Variants in RGS3 observed in about 807,000 individuals in gnomAD.
RGS3 encodes regulator of G-protein signalling 3.
A neutral mutation model predicts 132.6 loss-of-function variants in RGS3; 80 were observed. The observed-to-expected ratio is 0.60, with a 90% CI of 0.50 to 0.73. The LOEUF is 0.73. RGS3 is among the 30% of genes least tolerant of loss of function. RGS3 has a pLI of 0.00. For missense variants in RGS3, 1,382 were observed against 1,530.8 expected (o/e 0.90, Z 1.62); for synonymous variants, 598 against 620.6 (o/e 0.96, Z 0.54).
At chr9:113,466,197 A>G (rs980021368) in intron 3 of RGS3, among the ~76,000 whole-genome samples, 1 of 152,238 alleles carries the variant, frequency 6.6e-6, no homozygotes, top group Non-Finnish European at 1.5e-5. Context: ...TTTGGTAGCA[A>G]TTGGGACCAC....
intron 10 of RGS3, among the ~76,000 whole-genome samples, chr9:113,504,363 T>C (rs1043616029): frequency 6.6e-6 from 1 of 152,180 alleles, no homozygotes; most frequent in Admixed American, 6.5e-5. Flanking sequence ...TCGGGACCCC[T>C]TGAATCCCTT....
At chr9:113,584,419 C>T (rs776056029) in exon 20 of RGS3, 1 of 1,510,380 alleles carries the variant, frequency 6.6e-7, no homozygotes, top group South Asian at 1.3e-5. Context: ...CTTCACAGGA[C>T]ACAGGAAGGT....
At chr9:113,517,653 G>A (rs1831746779) in intron 16 of RGS3, 29 bp downstream of exon 14, 1 of 1,579,936 alleles carries the variant, frequency 6.3e-7, no homozygotes, top group Non-Finnish European at 8.7e-7. Flanking sequence ...TTTTTTAGGG[G>A]GCTTTCTGGG....
chr9:113,586,650 C>T (rs1240470028), intron 20 of RGS3, among the ~76,000 whole-genome samples: 2 of 152,238 alleles, frequency 1.3e-5, no homozygotes, highest in Non-Finnish European at 2.9e-5. Flanking sequence ...ACACCAGTTC[C>T]TGAGCCCTTT....
At chr9:113,488,973 A>G (rs982303907) in intron 7 of RGS3, among the ~76,000 whole-genome samples, 3 of 152,250 alleles carry the variant, frequency 2.0e-5, no homozygotes, top group Non-Finnish European at 4.4e-5. Context: ...TGGACATTCA[A>G]CTTATCAACA....
At chr9:113,594,500 G>T in exon 22 of RGS3, 1 of 1,613,716 alleles carries the variant, frequency 6.2e-7, no homozygotes, top group Non-Finnish European at 8.5e-7. Context: ...CCCTCCCGCG[G>T]GCAAGGCAGA....
chr9:113,447,335 A>ATGTG (rs199869637), intron 1 of RGS3, among the ~76,000 whole-genome samples: 9 of 73,966 alleles, frequency 1.2e-4, no homozygotes, highest in Non-Finnish European at 1.4e-4. Context: ...ATATGTATAT[A>ATGTG]TATATATATA....
rs1464794916 is a variant in RGS3, at chr9:113,537,000, T to A, written c.2037+82T>A. ...AGACCCTTGAGCCTCTGCATTGAGCTGGGGGCCAGCCTGAGCTTCCAACTT... is the reference window on the plus strand; with the variant it reads ...AGACCCTTGAGCCTCTGCATTGAGCAGGGGGCCAGCCTGAGCTTCCAACTT... On this transcript the variant is annotated intron_variant, in intron 19 of 24. Transcript: ENST00000350696. The A allele has an allele frequency of 3.6e-6, 5 of 1,399,996 alleles. No individual in the cohort carries two copies. The Admixed American group carries it at 9.3e-5, about 26-fold the overall frequency. The allele number at this position is 1,399,996 out of a possible 1,614,324, so 86.7% of individuals were successfully genotyped here.
In RGS3 at chr9:113,485,690, C is replaced by A. The variant is rs1484406755; in HGVS notation, c.686C>A (p.Ser229Tyr). The change falls in exon 7 of 25, where the codon TCC (serine) becomes TAC (tyrosine). Residue 229 changes from serine to tyrosine, a missense_variant. Physicochemically the swap from Ser to Tyr is moderately radical, Grantham distance 144. Transcript: ENST00000350696. ...ACTGTGTGGAACAGGGCCAGCCAGT[C>A]CAGGTGAGGAGAGCTGCTGAGCTGG... 1.3e-6 allele frequency: 2 copies of A among 1,587,598 alleles called. No individual in the cohort carries two copies. Among genetic ancestry groups the A allele is most frequent in the Admixed American group, 3.6e-5 (2 of 55,256 alleles).
chr9:113,512,858 G>A lies in RGS3; in HGVS notation c.1478-1600G>A, dbSNP rs150204493. ...GTCCAGGAACCCCTGACTTTTTAGC[G>A]ACTTTGTGTTTTGTCCCTCTGCCTA... is the stretch of plus-strand genomic sequence containing the variant. On this transcript the variant is annotated intron_variant, in intron 14 of 24. Coordinates refer to ENST00000350696, the Ensembl canonical transcript of RGS3. Among the ~76,000 whole-genome samples, 372 of 152,256 alleles carry A rather than the reference G, an allele frequency of 2.4e-3. 2 individuals are homozygous for A. The highest frequency in any genetic ancestry group is 8.2e-3 in the African/African-American group (339 of 41,548).
At chr9:113,474,941 C>T (rs760744497) in intron 3 of RGS3, among the ~76,000 whole-genome samples, 15 of 152,110 alleles carry the variant, frequency 9.9e-5, no homozygotes, top group Non-Finnish European at 1.6e-4. Context: ...TGACTGTGGC[C>T]TGTGGGTTAG....
Position 113,527,653 on chromosome 9 carries a change from C to T in RGS3, c.1871-1568C>T, listed in dbSNP as rs73655867. ...TGGCTGTGCCTGGCAGCCCTTGGCC[C>T]TAGGGATAGCTTTGTCTCAGAACTG... On this transcript the variant is annotated intron_variant, in intron 17 of 24. Transcript: ENST00000350696. 6.3e-3 allele frequency among the ~76,000 whole-genome samples: 965 copies of T among 152,252 alleles called. 9 individuals carry two copies. The highest frequency in any genetic ancestry group is 0.02 in the African/African-American group (810 of 41,538).
intron 16 of RGS3, among the ~76,000 whole-genome samples, chr9:113,521,031 A>T (rs1831928395): frequency 6.6e-6 from 1 of 152,104 alleles, no homozygotes; most frequent in African/African-American, 2.4e-5. Flanking sequence ...TAGGGTCCTC[A>T]TCTGTAAATG....
intron 19 of RGS3, chr9:113,542,131 A>G (rs1294067853): frequency 6.5e-6 from 1 of 152,908 alleles, no homozygotes; most frequent in Non-Finnish European, 1.5e-5. Flanking sequence ...GGGATGGGGA[A>G]GGACATAACT....
Position 113,497,270 on chromosome 9 carries a change from T to G in RGS3, c.751-44T>G, listed in dbSNP as rs373674783. 8.5e-5 allele frequency: 129 copies of G among 1,512,316 alleles called. 1 individual carries two copies. Among genetic ancestry groups the G allele is most frequent in the Non-Finnish European group, 1.1e-4 (122 of 1,090,944 alleles). The allele number at this position is 1,512,316 out of a possible 1,614,324, so 93.7% of individuals were successfully genotyped here. A position where few individuals can be genotyped will look rare whatever the true frequency, so the allele number is the denominator to read the frequency against. On this transcript the variant is annotated intron_variant, in intron 8 of 24. Coordinates refer to ENST00000350696, the Ensembl canonical transcript of RGS3. Reference sequence around the variant, plus strand: ...GATTGGTGGCTGCCTGACCTGTGCTTCTGCCTCCTGTGTCTGAGCGTGCCA... The same window carrying G: ...GATTGGTGGCTGCCTGACCTGTGCTGCTGCCTCCTGTGTCTGAGCGTGCCA...
At chr9:113,556,771 A>C (rs1276444435) in intron 19 of RGS3, among the ~76,000 whole-genome samples, 1 of 152,138 alleles carries the variant, frequency 6.6e-6, no homozygotes, top group Non-Finnish European at 1.5e-5. Flanking sequence ...TCTGAAACAG[A>C]CTGGGCTACT....
At chr9:113,594,295 C>T in intron 21 of RGS3, 135 bp from the exon 20 acceptor site, 1 of 1,597,950 alleles carries the variant, frequency 6.3e-7, no homozygotes, top group African/African-American at 1.3e-5. Context: ...AGGCATGTAC[C>T]TCACTCGCAA....
intron 1 of RGS3, among the ~76,000 whole-genome samples, chr9:113,446,761 C>G (rs1829108840): frequency 6.6e-6 from 1 of 151,952 alleles, no homozygotes; most frequent in African/African-American, 2.4e-5. Context: ...AAGGACCATT[C>G]CAAGAGTGTG....
At chr9:113,585,326 G>A (rs1275806782) in intron 20 of RGS3, among the ~76,000 whole-genome samples, 1 of 152,256 alleles carries the variant, frequency 6.6e-6, no homozygotes, top group Non-Finnish European at 1.5e-5. Context: ...AAAAGTAGGG[G>A]TTAATAGCAC....
Sources: gnomAD v4.1 joint callset for allele counts (sites outside exome capture counted in the v4.1 genomes callset) on GRCh38, gnomAD v4.1.1 for gene constraint, MANE v1.5 for transcripts, NCBI Gene and HGNC (gene_info 2026-07-23, HGNC 2026-07-21) for gene names.